The following LRP1B variants were observed in gnomAD, a reference collection of about 807,000 sequenced individuals.
LRP1B encodes LDL receptor related protein 1B.
In LRP1B, 217 loss-of-function variants were observed where a neutral mutation model predicts 556.6. The ratio of observed to expected loss-of-function variants is 0.39; its 90% CI spans 0.35 to 0.44. The LOEUF (loss-of-function observed/expected upper bound fraction) is 0.44, where lower values mean the gene tolerates loss of function less well. LRP1B is among the 20% of genes least tolerant of loss of function. LRP1B has a pLI of 1.00. For synonymous variants in LRP1B, 2,047 were observed against 1,865.8 expected, an observed-to-expected ratio of 1.10 and a Z score of -2.50; for missense variants, 5,053 against 5,620.8, an observed-to-expected ratio of 0.90 and a Z score of 3.23.
intron 66 of LRP1B, among the ~76,000 whole-genome samples, chr2:140,412,949 T>A (rs1685029070): frequency 6.6e-6 from 1 of 152,078 alleles, no homozygotes; most frequent in Non-Finnish European, 1.5e-5. Context: ...TGAAAATATG[T>A]TTTGTACCTA....
intron 8 of LRP1B, 24 bp downstream of exon 8, chr2:141,062,027 G>T: frequency 1.3e-6 from 2 of 1,580,446 alleles, no homozygotes; most frequent in Non-Finnish European, 1.7e-6. Context: ...CCCTAGGAGC[G>T]TTGTCTAACA....
At chr2:141,769,291 T>A (rs945563949) in intron 2 of LRP1B, among the ~76,000 whole-genome samples, 1 of 152,220 alleles carries the variant, frequency 6.6e-6, no homozygotes. Context: ...GCAAACAATT[T>A]CTGCATTATT....
At chr2:142,098,547 C>G (rs1265385040) in intron 1 of LRP1B, among the ~76,000 whole-genome samples, 2 of 151,562 alleles carry the variant, frequency 1.3e-5, no homozygotes, top group Non-Finnish European at 3.0e-5. Context: ...AATGTGTACC[C>G]ATTTTCAATT....
intron 87 of LRP1B, among the ~76,000 whole-genome samples, chr2:140,244,246 T>G (rs1488732406): frequency 1.3e-5 from 2 of 151,170 alleles, no homozygotes; most frequent in Non-Finnish European, 3.0e-5. Flanking sequence ...ATATAACCAG[T>G]TTTTTTCTGT....
rs541812290 is a variant in LRP1B, at chr2:140,460,987, C to T, written c.9626-3336G>A. Among the ~76,000 whole-genome samples, 10 of 150,496 alleles carry T rather than the reference C, an allele frequency of 6.6e-5. No homozygotes were observed. In the East Asian group the frequency reaches 1.2e-3, roughly 18 times the overall value. ...AGAAAAAGTGGCCATCGCTTGAACC[C>T]GGGAGGTGGAGGTTGCAGTGAGCCA... On this transcript the variant is annotated intron_variant, in intron 60 of 90. Coordinates refer to ENST00000389484, the MANE Select transcript of LRP1B (RefSeq NM_018557.3).
At chr2:141,827,202 A>G (rs1696962722) in intron 1 of LRP1B, among the ~76,000 whole-genome samples, 2 of 152,242 alleles carry the variant, frequency 1.3e-5, no homozygotes, top group South Asian at 4.1e-4. Context: ...TACATATGCA[A>G]TTTCATAGAC....
Position 141,464,606 on chromosome 2 carries a change from A to ATATTTTTTTTT in LRP1B, c.343+15789_343+15790insAAAAAAAAATA. Among the ~76,000 whole-genome samples, 83 of 89,990 alleles carry ATATTTTTTTTT rather than the reference A, an allele frequency of 9.2e-4. 1 individual carries two copies. Among genetic ancestry groups the ATATTTTTTTTT allele is most frequent in the Non-Finnish European group, 1.2e-3 (52 of 44,738 alleles). 59.0% of individuals were successfully genotyped at this position (89,990 alleles called of 152,430 possible). The stretch of plus-strand genomic sequence containing the variant: ...TTTGTATATATATATATATATATAT[A>ATATTTTTTTTT]TTTTTTTAGTAGAGATGGGGTTTCA... On this transcript the variant is annotated intron_variant, in intron 3 of 90. Transcript: ENST00000389484.
chr2:141,433,269 C>T (rs1680634474), intron 3 of LRP1B, among the ~76,000 whole-genome samples: 1 of 151,646 alleles, frequency 6.6e-6, no homozygotes, highest in Non-Finnish European at 1.5e-5. Context: ...TATTTCATTC[C>T]TTTTAAATGT....
At chr2:141,824,460 C>T (rs1696857763) in intron 1 of LRP1B, among the ~76,000 whole-genome samples, 2 of 152,256 alleles carry the variant, frequency 1.3e-5, no homozygotes, top group South Asian at 2.1e-4. Context: ...CCCAGGTTCA[C>T]GCCATTCTCC....
chr2:140,841,642 C>T (rs1409052445), intron 29 of LRP1B, among the ~76,000 whole-genome samples: 2 of 152,112 alleles, frequency 1.3e-5, no homozygotes, highest in Non-Finnish European at 2.9e-5. Flanking sequence ...TTTAACATCC[C>T]TTCAACGTGG....
intron 58 of LRP1B, 104 bp downstream of exon 58, chr2:140,487,513 A>G: frequency 9.2e-7 from 1 of 1,090,232 alleles, no homozygotes; most frequent in Non-Finnish European, 1.3e-6. Flanking sequence ...AACCACCCTA[A>G]TGCATTTTAT....
intron 7 of LRP1B, among the ~76,000 whole-genome samples, chr2:141,064,024 T>C (rs759426805): frequency 6.6e-6 from 1 of 151,850 alleles, no homozygotes; most frequent in Admixed American, 6.6e-5. Flanking sequence ...AAAGTCATCC[T>C]CAGATGACTT....
intron 41 of LRP1B, among the ~76,000 whole-genome samples, chr2:140,674,636 T>C (rs532052633): frequency 6.6e-6 from 1 of 152,228 alleles, no homozygotes; most frequent in Admixed American, 6.5e-5. Flanking sequence ...CATGTGTTGA[T>C]TGATGTCTTA....
chr2:140,582,618 C>A (rs1681817159), intron 43 of LRP1B, among the ~76,000 whole-genome samples: 1 of 152,110 alleles, frequency 6.6e-6, no homozygotes, highest in Non-Finnish European at 1.5e-5. Context: ...TGCGAGGAAA[C>A]CATGTTCATT....
At chr2:140,779,804 T>C (rs1377022301) in intron 32 of LRP1B, among the ~76,000 whole-genome samples, 1 of 145,250 alleles carries the variant, frequency 6.9e-6, no homozygotes, top group Admixed American at 6.9e-5. Context: ...AGAGGGGAGA[T>C]ATATATCATA....
At chr2:141,813,387 A>C (rs1483302927) in intron 1 of LRP1B, among the ~76,000 whole-genome samples, 1 of 152,134 alleles carries the variant, frequency 6.6e-6, no homozygotes, top group Non-Finnish European at 1.5e-5. Flanking sequence ...CATTTGAATA[A>C]AAGCTGAAGT....
intron 66 of LRP1B, among the ~76,000 whole-genome samples, chr2:140,419,862 G>A (rs1050640308): frequency 2.6e-5 from 4 of 151,986 alleles, no homozygotes; most frequent in Non-Finnish European, 5.9e-5. Flanking sequence ...ACAAAAATTA[G>A]TCCTGCATGG....
At chr2:140,444,765 A>C in intron 63 of LRP1B, 86 bp from the exon 64 acceptor site, 1 of 781,766 alleles carries the variant, frequency 1.3e-6, no homozygotes, top group Non-Finnish European at 2.2e-6. Flanking sequence ...CAAGATATTT[A>C]CTATAATAAA....
chr2:141,149,609 T>C (rs1052637541), intron 7 of LRP1B, among the ~76,000 whole-genome samples: 1 of 152,106 alleles, frequency 6.6e-6, no homozygotes, highest in Non-Finnish European at 1.5e-5. Context: ...GGCAAACCCC[T>C]GCCCAAGGGA....
Sources: gnomAD v4.1 joint callset for allele counts (sites outside exome capture counted in the v4.1 genomes callset) on GRCh38, gnomAD v4.1.1 for gene constraint, MANE v1.5 for transcripts, NCBI Gene and HGNC (gene_info 2026-07-23, HGNC 2026-07-21) for gene names.